The following THTPA variants were observed in gnomAD, a reference collection of about 807,000 sequenced individuals.
THTPA encodes thiamine-triphosphatase.
THTPA carries 16 observed loss-of-function variants against 16.5 expected under a neutral mutation model. That is an observed-to-expected ratio of 0.97 (90% confidence interval 0.66 to 1.47). The LOEUF is 1.47. Ranked by LOEUF, THTPA falls within the 40% of genes most tolerant of loss-of-function variation. THTPA has a pLI of 0.00. For missense variants in THTPA, 281 were observed against 280.9 expected (o/e 1.00, Z 0.00); for synonymous variants, 110 against 115.5 (o/e 0.95, Z 0.30).
the THTPA span, chr14:23,525,864 G>C: frequency 2.8e-4 from 401 of 1,456,550 alleles, 4 homozygotes; most frequent in Middle Eastern, 6.6e-3. This position sits in a 1 kb window ranked among gnomAD's most constrained non-coding sequence, Gnocchi z 5.9. Context: ...AGCTGCTGCT[G>C]CTGGAGCTTA....
At chr14:23,541,915 T>C in the THTPA span, among the ~76,000 whole-genome samples, 1 of 152,222 alleles carries the variant, frequency 6.6e-6, no homozygotes, top group African/African-American at 2.4e-5. Flanking sequence ...TTCTAGACCC[T>C]TCCCCTTTTA....
At chr14:23,530,042 T>C in the THTPA span, 1 of 1,351,172 alleles carries the variant, frequency 7.4e-7, no homozygotes, top group African/African-American at 1.5e-5. Context: ...CAGACATTGC[T>C]GGGCTCCTGG....
chr14:23,530,143 G>A, the THTPA span: 2 of 1,536,102 alleles, frequency 1.3e-6, no homozygotes, highest in Admixed American at 2.0e-5. Context: ...CTTGTTCTGG[G>A]CATCTTTCTC....
chr14:23,522,564 GT>G, the THTPA span: 1 of 1,527,752 alleles, frequency 6.5e-7, no homozygotes, highest in Non-Finnish European at 8.8e-7. Context: ...CCATAGAGCT[GT>G]TGGAAGTAGG....
upstream of THTPA, among the ~76,000 whole-genome samples, chr14:23,551,860 G>T (rs1248054246): frequency 6.6e-6 from 1 of 152,156 alleles, no homozygotes; most frequent in African/African-American, 2.4e-5. This position sits in a 1 kb window ranked among gnomAD's most constrained non-coding sequence, Gnocchi z 5.3. Flanking sequence ...GTTCGCGCCC[G>T]CCCGCCTGCC....
the THTPA span, among the ~76,000 whole-genome samples, chr14:23,537,339 G>A: frequency 6.6e-6 from 1 of 151,792 alleles, no homozygotes; most frequent in East Asian, 1.9e-4. Flanking sequence ...GTCCTCTCTA[G>A]CTCTCGTATT....
At chr14:23,555,631 C>T (rs1882300381), upstream of THTPA, 3 of 152,366 alleles carry the variant, frequency 2.0e-5, no homozygotes, top group South Asian at 6.2e-4. Context: ...CCCTCTAAAA[C>T]TCCAGAGTAG....
At chr14:23,534,144 G>T in the THTPA span, 2 of 1,474,458 alleles carry the variant, frequency 1.4e-6, no homozygotes, top group Non-Finnish European at 1.8e-6. This position sits in a 1 kb window ranked among gnomAD's most constrained non-coding sequence, Gnocchi z 4.5. Context: ...CCTTGGAGGT[G>T]GGTGAGCTTT....
the THTPA span, among the ~76,000 whole-genome samples, chr14:23,536,196 A>AC: frequency 1.3e-5 from 2 of 152,094 alleles, no homozygotes; most frequent in African/African-American, 4.8e-5. Flanking sequence ...ACTGCCCGCT[A>AC]CAGTGTATTT....
At chr14:23,520,533 G>C in the THTPA span, among the ~76,000 whole-genome samples, 1 of 152,122 alleles carries the variant, frequency 6.6e-6, no homozygotes, top group South Asian at 2.1e-4. This position sits in a 1 kb window ranked among gnomAD's most constrained non-coding sequence, Gnocchi z 8.7. Context: ...AGATACTTTT[G>C]GTGACACTGA....
At chr14:23,518,159 G>A in the THTPA span, among the ~76,000 whole-genome samples, 2 of 151,972 alleles carry the variant, frequency 1.3e-5, no homozygotes, top group Admixed American at 1.3e-4. This position sits in a 1 kb window ranked among gnomAD's most constrained non-coding sequence, Gnocchi z 4.5. Context: ...TGTTTCTGAG[G>A]GTGTGTTTGT....
chr14:23,517,527 C>T, the THTPA span, among the ~76,000 whole-genome samples: 5 of 152,218 alleles, frequency 3.3e-5, no homozygotes, highest in African/African-American at 1.2e-4. Context: ...TGACTGGTTG[C>T]TTCTGAGAGA....
the THTPA span, among the ~76,000 whole-genome samples, chr14:23,520,217 A>G: frequency 1.3e-5 from 2 of 151,806 alleles, no homozygotes; most frequent in Admixed American, 1.3e-4. The surrounding 1 kb of genome is among the most constrained non-coding windows in gnomAD (Gnocchi z 8.7). Flanking sequence ...CAGCTCTAGA[A>G]CCCCATGAGT....
chr14:23,553,665 C>T (rs955159284), upstream of THTPA, among the ~76,000 whole-genome samples: 3 of 151,450 alleles, frequency 2.0e-5, no homozygotes, highest in Admixed American at 2.0e-4. Context: ...GAGGTGGAGG[C>T]GGGTGGATCA....
chr14:23,539,503 T>C, the THTPA span, among the ~76,000 whole-genome samples: 2 of 152,134 alleles, frequency 1.3e-5, no homozygotes, highest in African/African-American at 2.4e-5. Flanking sequence ...AGCCAGGCCC[T>C]GACCGAGCAA....
rs1319992134 is a variant in THTPA at position 23,559,606 on chromosome 14, G to C, written c.*766G>C. The stretch of plus-strand genomic sequence containing the variant: ...TCTCAGGCTTTATTGGGCTTTATTT[G>C]TGGGAGAAGGGGGCTGGTCCCCAGT... On this transcript the variant is annotated 3_prime_UTR_variant, in exon 2 of 2. Transcript: ENST00000288014. The C allele has an allele frequency of 4.4e-6, 3 of 681,772 alleles. No homozygotes were observed. The highest frequency in any genetic ancestry group is 7.7e-6 in the Non-Finnish European group (3 of 388,754). 42.2% of individuals were successfully genotyped at this position (681,772 alleles called of 1,614,324 possible). A position where few individuals can be genotyped will look rare whatever the true frequency, so the allele number is the denominator to read the frequency against.
At chr14:23,526,945 G>C in the THTPA span, 3 of 1,526,478 alleles carry the variant, frequency 2.0e-6, no homozygotes, top group African/African-American at 4.1e-5. Flanking sequence ...CAGCACTTTG[G>C]TTGTAAATGT....
the THTPA span, chr14:23,548,428 C>G: frequency 1.1e-4 from 16 of 152,254 alleles, no homozygotes; most frequent in African/African-American, 3.6e-4. Context: ...TACAGCACCC[C>G]GGCAAAGCAG....
chr14:23,545,066 A>C, the THTPA span, among the ~76,000 whole-genome samples: 1 of 151,014 alleles, frequency 6.6e-6, no homozygotes. Flanking sequence ...TGTCCTCCAC[A>C]TTGCCATTTC....
Sources: allele counts gnomAD v4.1 joint callset (sites outside exome capture counted in the v4.1 genomes callset), GRCh38; gene constraint gnomAD v4.1.1; non-coding constraint Gnocchi (gnomAD v3.1); transcripts MANE v1.5; gene names NCBI Gene and HGNC (gene_info 2026-07-23, HGNC 2026-07-21).